ARMH4: variants seen among roughly 807,000 people sequenced by gnomAD.
ARMH4 encodes armadillo-like helical domain-containing protein 4.
Under a neutral mutation model 61.9 loss-of-function variants are expected in ARMH4, and 49 were observed. The observed-to-expected ratio is 0.79, with a 90% CI of 0.63 to 1.00. The LOEUF is 1.00. Among genes scored for constraint, ARMH4 ranks in the 50% least tolerant of loss-of-function variants. ARMH4 has a pLI of 0.00. For missense variants in ARMH4, 934 were observed against 930.0 expected, an observed-to-expected ratio of 1.00 and a Z score of -0.06; for synonymous variants, 368 against 341.5, an observed-to-expected ratio of 1.08 and a Z score of -0.85.
At chr14:58,010,341 T>C (rs1461904369) in intron 6 of ARMH4, among the ~76,000 whole-genome samples, 1 of 152,140 alleles carries the variant, frequency 6.6e-6, no homozygotes, top group Admixed American at 6.5e-5. Context: ...AACGAAGATA[T>C]ATGTACATAT....
intron 4 of ARMH4, among the ~76,000 whole-genome samples, chr14:58,123,763 C>A (rs1172540492): frequency 6.6e-6 from 1 of 152,162 alleles, no homozygotes; most frequent in African/African-American, 2.4e-5. Flanking sequence ...AGGGATAGCC[C>A]CCATCTATTT....
At chr14:58,144,322 G>C (rs1310415832) in intron 1 of ARMH4, among the ~76,000 whole-genome samples, 7 of 152,202 alleles carry the variant, frequency 4.6e-5, no homozygotes, top group East Asian at 3.9e-4. Flanking sequence ...CCAATACTTT[G>C]AGAGGCCAAG....
chr14:58,144,125 AAATAGCATGTGCC>A (rs1266931692), intron 1 of ARMH4, among the ~76,000 whole-genome samples: 2 of 152,176 alleles, frequency 1.3e-5, no homozygotes, highest in Middle Eastern at 3.2e-3. Flanking sequence ...GATAAAGAGG[AAATAGCATGTGCC>A]ACAGCATGTC....
intron 5 of ARMH4, among the ~76,000 whole-genome samples, chr14:58,016,641 A>T (rs1179752468): frequency 6.6e-6 from 1 of 152,236 alleles, no homozygotes; most frequent in Non-Finnish European, 1.5e-5. Context: ...GATTGCTGAT[A>T]GTGAACACAA....
At chr14:58,049,281 A>G (rs1336008409) in intron 5 of ARMH4, among the ~76,000 whole-genome samples, 3 of 152,020 alleles carry the variant, frequency 2.0e-5, no homozygotes, top group Non-Finnish European at 4.4e-5. Flanking sequence ...ACTGTGCCAC[A>G]GAATATAGAT....
intron 4 of ARMH4, among the ~76,000 whole-genome samples, chr14:58,110,643 C>A (rs1021051765): frequency 2.0e-5 from 3 of 152,028 alleles, no homozygotes; most frequent in African/African-American, 7.2e-5. Context: ...TTATCTTTTT[C>A]ATTATTAATG....
At chr14:58,014,098 C>A (rs1882513419) in intron 5 of ARMH4, among the ~76,000 whole-genome samples, 1 of 152,162 alleles carries the variant, frequency 6.6e-6, no homozygotes, top group African/African-American at 2.4e-5. Context: ...GACTTTCGAA[C>A]TACCAATTTC....
Position 58,133,122 on chromosome 14 carries a change from G to A in ARMH4, c.1589C>T (p.Pro530Leu). ...AGTGGGAGTAACTTCAAAAGACAAA[G>A]GGACGACTGTAGTTGAAATTGTAGT... ...LATTISTTVV[P>L]LSFEVTPTVE... Residue 530 changes from proline to leucine, a missense_variant, in exon 3 of 8, where the codon CCT becomes CTT. By Grantham distance (98) the Pro-to-Leu change is moderately conservative. Coordinates refer to ENST00000267485, the MANE Select transcript of ARMH4 (RefSeq NM_001001872.4). 1.2e-6 allele frequency: 2 copies of A among 1,614,180 alleles called. No individual in the cohort carries two copies. Among genetic ancestry groups the A allele is most frequent in the Non-Finnish European group, 8.5e-7 (1 of 1,180,046 alleles).
intron 6 of ARMH4, among the ~76,000 whole-genome samples, chr14:58,006,581 C>T (rs2881697): frequency 0.21 from 31,854 of 151,972 alleles, 4,151 homozygotes; most frequent in East Asian, 0.55. Context: ...TATGGAAATT[C>T]TTCCATTAAT....
chr14:58,117,062 C>T (rs1315278280), intron 4 of ARMH4, among the ~76,000 whole-genome samples: 1 of 152,188 alleles, frequency 6.6e-6, no homozygotes, highest in Non-Finnish European at 1.5e-5. Flanking sequence ...AGAGACCCTC[C>T]TGCCTCCACT....
chr14:58,020,739 C>A (rs950184398), intron 5 of ARMH4, among the ~76,000 whole-genome samples: 1 of 152,184 alleles, frequency 6.6e-6, no homozygotes, highest in Non-Finnish European at 1.5e-5. Flanking sequence ...CTCCACTGGG[C>A]AACAACCAAC....
chr14:58,040,751 G>C (rs991710563), intron 5 of ARMH4, among the ~76,000 whole-genome samples: 4 of 152,084 alleles, frequency 2.6e-5, no homozygotes, highest in African/African-American at 9.7e-5. Flanking sequence ...CCAAGATTTT[G>C]TCTGGTGCAT....
intron 5 of ARMH4, among the ~76,000 whole-genome samples, chr14:58,072,481 G>A (rs1884911678): frequency 6.6e-6 from 1 of 152,140 alleles, no homozygotes; most frequent in Non-Finnish European, 1.5e-5. Context: ...CACTTTTGGA[G>A]GCGGAGGTGG....
intron 1 of ARMH4, chr14:58,141,535 G>A (rs372470312): frequency 3.8e-5 from 20 of 529,770 alleles, no homozygotes; most frequent in African/African-American, 1.4e-4. Flanking sequence ...CCGCCAGCTC[G>A]TCCAGAAATA....
At chr14:58,109,030 T>C (rs1007069447) in intron 4 of ARMH4, among the ~76,000 whole-genome samples, 4 of 152,228 alleles carry the variant, frequency 2.6e-5, no homozygotes, top group African/African-American at 9.6e-5. Flanking sequence ...CGCTGATTCT[T>C]TTAGAGTTCT....
intron 5 of ARMH4, among the ~76,000 whole-genome samples, chr14:58,058,851 A>G (rs537188045): frequency 6.6e-6 from 1 of 152,198 alleles, no homozygotes; most frequent in African/African-American, 2.4e-5. Context: ...CAGACGGCCC[A>G]CTGGACTAAT....
intron 1 of ARMH4, among the ~76,000 whole-genome samples, chr14:58,151,847 G>A (rs1887936499): frequency 6.6e-6 from 1 of 152,210 alleles, no homozygotes; most frequent in Non-Finnish European, 1.5e-5. Context: ...CGAGGCCTGC[G>A]CGCCGCGCCC....
intron 4 of ARMH4, among the ~76,000 whole-genome samples, chr14:58,105,602 G>A (rs546097809): frequency 2.6e-5 from 4 of 151,624 alleles, no homozygotes; most frequent in African/African-American, 7.3e-5. Flanking sequence ...CAGGAGAATC[G>A]CTTGAACCCA....
chr14:58,041,714 G>C (rs1883711541), intron 5 of ARMH4, among the ~76,000 whole-genome samples: 1 of 152,098 alleles, frequency 6.6e-6, no homozygotes, highest in African/African-American at 2.4e-5. Context: ...CATGTGCAGA[G>C]ACACACATAG....
Sources: allele counts gnomAD v4.1 joint callset (sites outside exome capture counted in the v4.1 genomes callset), GRCh38; gene constraint gnomAD v4.1.1; transcripts MANE v1.5; gene names NCBI Gene and HGNC (gene_info 2026-07-23, HGNC 2026-07-21).